SEMA3D: variants seen among roughly 807,000 people sequenced by gnomAD.
The protein encoded by SEMA3D is semaphorin 3D.
Under a neutral mutation model 100.1 loss-of-function variants are expected in SEMA3D, and 84 were observed. The observed-to-expected ratio is 0.84, with a 90% CI of 0.70 to 1.01. The LOEUF (loss-of-function observed/expected upper bound fraction) is 1.01, where lower values mean the gene tolerates loss of function less well. Ranked by LOEUF, SEMA3D falls within the 50% of genes least tolerant of loss-of-function variation. The pLI is 0.00. For synonymous variants in SEMA3D, 312 were observed against 320.7 expected, an observed-to-expected ratio of 0.97 and a Z score of 0.29; for missense variants, 875 against 934.1, an observed-to-expected ratio of 0.94 and a Z score of 0.82.
At chr7:85,202,089 G>A in the SEMA3D span, among the ~76,000 whole-genome samples, 2 of 150,768 alleles carry the variant, frequency 1.3e-5, no homozygotes, top group African/African-American at 4.9e-5. Context: ...TTAAGTTTTA[G>A]GGTACATGTG....
intron 2 of SEMA3D, among the ~76,000 whole-genome samples, chr7:85,135,716 T>G (rs1022518232): frequency 1.3e-5 from 2 of 149,856 alleles, no homozygotes; most frequent in East Asian, 3.9e-4. Flanking sequence ...AAAAATTAAT[T>G]AGAAAAAAAT....
At chr7:85,153,551 A>T (rs1348568064) in intron 2 of SEMA3D, 57 bp downstream of exon 2, 1 of 151,898 alleles carries the variant, frequency 6.6e-6, no homozygotes, top group East Asian at 1.9e-4. Context: ...CTATCTATCT[A>T]TCTATCTATC....
At chr7:85,218,165 C>T in the SEMA3D span, among the ~76,000 whole-genome samples, 1 of 151,956 alleles carries the variant, frequency 6.6e-6, no homozygotes, top group Non-Finnish European at 1.5e-5. Context: ...AGAAACATAT[C>T]ATTTCTGAAG....
chr7:85,158,573 TG>T (rs1790661010), intron 1 of SEMA3D, among the ~76,000 whole-genome samples: 1 of 152,226 alleles, frequency 6.6e-6, no homozygotes, highest in South Asian at 2.1e-4. Context: ...GCCCTGGTCC[TG>T]TGGTCCTGTG....
Position 85,141,082 on chromosome 7 carries a change from T to G in SEMA3D, c.-41+12526A>C, listed in dbSNP as rs150022653. On this transcript the variant is annotated intron_variant, in intron 2 of 18. Transcript: ENST00000284136. ...TGTTTTCATTTTATTTAATATTCAG[T>G]TCACATTAAAAATTTCAGAGATGTT... The G allele has an allele frequency of 3.2e-3, 3,017 of 937,608 alleles. 70 individuals carry two copies. The African/African-American group carries it at 0.047, about 15-fold the overall frequency. 58.1% of individuals were successfully genotyped at this position (937,608 alleles called of 1,614,324 possible).
chr7:85,190,464 A>G (rs1370222197), upstream of SEMA3D, among the ~76,000 whole-genome samples: 1 of 152,138 alleles, frequency 6.6e-6, no homozygotes, highest in African/African-American at 2.4e-5. Flanking sequence ...ATCTAGTTGG[A>G]ACAAGTGAGT....
chr7:85,154,704 C>T (rs1019204), intron 1 of SEMA3D, among the ~76,000 whole-genome samples: 104,160 of 152,030 alleles, frequency 0.69, 36,771 homozygotes, highest in East Asian at 0.92. Context: ...ACTTTGTAAA[C>T]GTACCAGAGA....
intron 1 of SEMA3D, among the ~76,000 whole-genome samples, chr7:85,180,998 T>C (rs1394840578): frequency 1.3e-5 from 2 of 152,232 alleles, no homozygotes; most frequent in African/African-American, 2.4e-5. Flanking sequence ...ATGTTTTTCT[T>C]GTGCTTAGAT....
intron 17 of SEMA3D, among the ~76,000 whole-genome samples, chr7:85,008,515 T>G (rs992028630): frequency 1.9e-4 from 29 of 151,666 alleles, no homozygotes; most frequent in Admixed American, 1.5e-3. Context: ...TGTATGCATA[T>G]TATATACACA....
chr7:85,172,919 A>G (rs1791123758), intron 1 of SEMA3D, among the ~76,000 whole-genome samples: 1 of 152,082 alleles, frequency 6.6e-6, no homozygotes. Context: ...CTAAAATAGA[A>G]TATTCTGAAA....
At chr7:85,003,071 A>G (rs537703973) in intron 18 of SEMA3D, among the ~76,000 whole-genome samples, 1 of 152,272 alleles carries the variant, frequency 6.6e-6, no homozygotes, top group Non-Finnish European at 1.5e-5. Context: ...TCCTTGTGTG[A>G]GAAAACAAAT....
At chr7:85,042,510 T>C (rs1318697640) in intron 9 of SEMA3D, among the ~76,000 whole-genome samples, 5 of 152,118 alleles carry the variant, frequency 3.3e-5, no homozygotes, top group Non-Finnish European at 7.4e-5. Context: ...GCAGTTCAGC[T>C]CTATTGGATG....
chr7:85,140,642 C>T (rs1400781141), intron 2 of SEMA3D: 23 of 968,108 alleles, frequency 2.4e-5, no homozygotes, highest in Non-Finnish European at 2.7e-5. Flanking sequence ...AATCTATAGC[C>T]TACAACCTGC....
the SEMA3D span, among the ~76,000 whole-genome samples, chr7:85,245,258 G>A: frequency 6.6e-6 from 1 of 152,062 alleles, no homozygotes; most frequent in Admixed American, 6.6e-5. Context: ...AATATAGAAC[G>A]GGAATGATTT....
Position 85,015,076 on chromosome 7 carries a change from A to G in SEMA3D, c.1686T>C (p.Tyr562=), listed in dbSNP as rs775919133. The part of the protein sequence containing the change: ...CAWDGNACSR[Y]APTSKRRARR... ...CCTCTTACCTTTTAGAAGTAGGAGC[A>G]TATCGAGAGCATGCATTTCCATCCC... Residue 562 remains tyrosine, a synonymous_variant, in exon 16 of 19, where the codon TAT becomes TAC. Transcript: ENST00000284136. 6.2e-7 allele frequency: 1 copy of G among 1,611,442 alleles called. No individual in the cohort carries two copies. The highest frequency in any genetic ancestry group is 1.7e-5 in the Admixed American group (1 of 59,802).
chr7:85,012,624 T>G (rs976267343), intron 17 of SEMA3D, among the ~76,000 whole-genome samples, 158 bp downstream of exon 17: 4 of 151,848 alleles, frequency 2.6e-5, no homozygotes, highest in African/African-American at 9.7e-5. Flanking sequence ...AGACAGGGGT[T>G]GATTTATAAA....
intron 1 of SEMA3D, among the ~76,000 whole-genome samples, chr7:85,182,865 G>C (rs1351547509): frequency 6.6e-6 from 1 of 152,148 alleles, no homozygotes. Context: ...CACTCCAGAT[G>C]TTTAGAGGAA....
intron 17 of SEMA3D, among the ~76,000 whole-genome samples, chr7:85,010,434 G>T (rs572474351): frequency 2.5e-4 from 38 of 151,898 alleles, no homozygotes; most frequent in Non-Finnish European, 4.6e-4. Flanking sequence ...AGACAGAAGT[G>T]GTTCAAGTGT....
intron 12 of SEMA3D, among the ~76,000 whole-genome samples, chr7:85,027,519 T>G (rs780600429): frequency 6.6e-6 from 1 of 152,012 alleles, no homozygotes; most frequent in Admixed American, 6.6e-5. Flanking sequence ...ACATTGGTGG[T>G]AGTTGAAAAT....
Sources: allele counts gnomAD v4.1 joint callset (sites outside exome capture counted in the v4.1 genomes callset), GRCh38; gene constraint gnomAD v4.1.1; transcripts MANE v1.5; gene names NCBI Gene and HGNC (gene_info 2026-07-23, HGNC 2026-07-21).